Variants in PTPRG observed in about 807,000 individuals in gnomAD.
PTPRG encodes protein tyrosine phosphatase receptor type G, also known as receptor-type tyrosine-protein phosphatase gamma.
PTPRG carries 102 observed loss-of-function variants against 165.3 expected under a neutral mutation model. The ratio of observed to expected loss-of-function variants is 0.62; its 90% CI spans 0.53 to 0.73. PTPRG has a LOEUF of 0.73. Ranked by LOEUF, PTPRG falls within the 30% of genes least tolerant of loss-of-function variation. PTPRG has a pLI of 0.00. For synonymous variants in PTPRG, 675 were observed against 669.5 expected (o/e 1.01, Z -0.13); for missense variants, 1,866 against 1,861.4 (o/e 1.00, Z -0.05).
At chr3:61,656,046 C>A (rs374498562) in intron 1 of PTPRG, among the ~76,000 whole-genome samples, 31 of 150,522 alleles carry the variant, frequency 2.1e-4, no homozygotes, top group East Asian at 1.9e-3. Context: ...AAGACCCCCC[C>A]CCCCCCGACC....
chr3:62,053,950 G>T (rs1700548375), intron 4 of PTPRG, among the ~76,000 whole-genome samples: 1 of 152,070 alleles, frequency 6.6e-6, no homozygotes, highest in African/African-American at 2.4e-5. Flanking sequence ...AATATGAAGG[G>T]TACTACATGA....
chr3:61,696,452 A>C (rs1415571315), intron 1 of PTPRG, among the ~76,000 whole-genome samples: 1 of 152,190 alleles, frequency 6.6e-6, no homozygotes, highest in Non-Finnish European at 1.5e-5. Flanking sequence ...CATTGAGCTG[A>C]GATCACACCA....
At chr3:62,147,309 A>T (rs6791767) in intron 6 of PTPRG, among the ~76,000 whole-genome samples, 4,481 of 152,268 alleles carry the variant, frequency 0.029, 89 homozygotes, top group South Asian at 0.046. Flanking sequence ...CAGTCACTGT[A>T]AACAGATGAG....
At chr3:62,003,861 G>C (rs959510071) in intron 4 of PTPRG, among the ~76,000 whole-genome samples, 1 of 152,212 alleles carries the variant, frequency 6.6e-6, no homozygotes, top group African/African-American at 2.4e-5. Flanking sequence ...AAATAGAAAA[G>C]TTGGCAACAT....
At chr3:61,926,234 G>C (rs1266882110) in intron 2 of PTPRG, among the ~76,000 whole-genome samples, 5 of 152,154 alleles carry the variant, frequency 3.3e-5, no homozygotes, top group South Asian at 2.1e-4. Flanking sequence ...CTCATGTTCA[G>C]TTGTAGTACC....
intron 4 of PTPRG, among the ~76,000 whole-genome samples, chr3:62,065,125 A>C (rs917200068): frequency 6.6e-6 from 1 of 152,152 alleles, no homozygotes; most frequent in Non-Finnish European, 1.5e-5. Flanking sequence ...TGGTATAGGA[A>C]AATTGGTATT....
In PTPRG at chr3:61,580,008, A is replaced by G. The variant is rs1700251051; in HGVS notation, c.85+17636A>G. 2.0e-5 allele frequency among the ~76,000 whole-genome samples: 3 copies of G among 152,220 alleles called. No homozygotes were observed. The South Asian group carries it at 6.2e-4, about 32-fold the overall frequency. ...TCACACATCAACCATGTAGCTGAGA[A>G]ATATTGAAAAAAATAAAAAATATGT... On this transcript the variant is annotated intron_variant, in intron 1 of 29. Transcript: ENST00000474889.
chr3:61,897,022 C>G (rs2038374149), intron 2 of PTPRG, among the ~76,000 whole-genome samples: 1 of 151,250 alleles, frequency 6.6e-6, no homozygotes, highest in African/African-American at 2.4e-5. Flanking sequence ...CAGTCTGTAA[C>G]TTGTGTGTTT....
intron 1 of PTPRG, among the ~76,000 whole-genome samples, chr3:61,712,846 T>C (rs2106755635): frequency 6.6e-6 from 1 of 152,358 alleles, no homozygotes; most frequent in East Asian, 1.9e-4. Flanking sequence ...TGAAAGGTCA[T>C]ATATAGCAGC....
intron 2 of PTPRG, among the ~76,000 whole-genome samples, chr3:61,781,898 T>TTG (rs2034556952): frequency 1.3e-5 from 2 of 150,150 alleles, no homozygotes; most frequent in East Asian, 2.0e-4. Context: ...CAGTTTTTTT[T>TTG]TTTTTTTTTT....
chr3:62,073,105 A>G (rs1701263380), intron 4 of PTPRG, among the ~76,000 whole-genome samples: 1 of 152,206 alleles, frequency 6.6e-6, no homozygotes, highest in Non-Finnish European at 1.5e-5. Flanking sequence ...CTGATAATGG[A>G]TTGAATAAAT....
chr3:62,071,077 C>T (rs1034070687), intron 4 of PTPRG, among the ~76,000 whole-genome samples: 4 of 152,148 alleles, frequency 2.6e-5, no homozygotes, highest in African/African-American at 7.2e-5. Context: ...TCATCTCCAT[C>T]TGTTCTTTTC....
chr3:62,129,368 G>A (rs1049800346), intron 5 of PTPRG, among the ~76,000 whole-genome samples: 1 of 152,072 alleles, frequency 6.6e-6, no homozygotes, highest in Non-Finnish European at 1.5e-5. Flanking sequence ...AAAAGTTCCT[G>A]TCGTAGTCTT....
At chr3:61,738,886 C>A (rs563400359) in intron 1 of PTPRG, among the ~76,000 whole-genome samples, 1 of 151,884 alleles carries the variant, frequency 6.6e-6, no homozygotes, top group East Asian at 1.9e-4. Flanking sequence ...GTGATCCTCC[C>A]GTCTCAGCCT....
At chr3:61,850,013 C>T (rs1218302936) in intron 2 of PTPRG, among the ~76,000 whole-genome samples, 2 of 152,084 alleles carry the variant, frequency 1.3e-5, no homozygotes, top group East Asian at 3.9e-4. Flanking sequence ...AACCTCATTT[C>T]CTTGTTTCCT....
At chr3:61,658,854 A>T (rs1702583949) in intron 1 of PTPRG, among the ~76,000 whole-genome samples, 1 of 152,198 alleles carries the variant, frequency 6.6e-6, no homozygotes, top group South Asian at 2.1e-4. Context: ...GTAGAAACAT[A>T]GTTATACGCC....
chr3:61,922,215 G>C (rs1194975533), intron 2 of PTPRG, among the ~76,000 whole-genome samples: 8 of 152,154 alleles, frequency 5.3e-5, no homozygotes, highest in African/African-American at 1.9e-4. Flanking sequence ...TTGATTCATA[G>C]GTAAAATACA....
intron 1 of PTPRG, among the ~76,000 whole-genome samples, chr3:61,669,834 G>A (rs1320258743): frequency 6.6e-6 from 1 of 152,198 alleles, no homozygotes; most frequent in Admixed American, 6.5e-5. Flanking sequence ...TGTGGTGACA[G>A]GGAGGAGGGA....
chr3:62,160,384 T>C (rs139448417), intron 7 of PTPRG, among the ~76,000 whole-genome samples: 138 of 152,362 alleles, frequency 9.1e-4, no homozygotes, highest in African/African-American at 3.2e-3. Context: ...AAATACAGCA[T>C]TGCTAATGGA....
Sources: gnomAD v4.1 joint callset for allele counts (sites outside exome capture counted in the v4.1 genomes callset) on GRCh38, gnomAD v4.1.1 for gene constraint, MANE v1.5 for transcripts, NCBI Gene and HGNC (gene_info 2026-07-23, HGNC 2026-07-21) for gene names.